Variants in KIAA1217 observed in about 807,000 individuals in gnomAD.
KIAA1217 encodes the protein KIAA1217.
A neutral mutation model predicts 163.9 loss-of-function variants in KIAA1217; 88 were observed. The ratio of observed to expected loss-of-function variants is 0.54; its 90% CI spans 0.45 to 0.64. The LOEUF is 0.64. Among genes scored for constraint, KIAA1217 ranks in the 30% least tolerant of loss-of-function variants. KIAA1217 has a pLI of 0.00. For synonymous variants in KIAA1217, 903 were observed against 923.1 expected (o/e 0.98, Z 0.39); for missense variants, 2,372 against 2,475.0 (o/e 0.96, Z 0.88).
chr10:24,452,683 A>C (rs911593328), intron 5 of KIAA1217, among the ~76,000 whole-genome samples: 1 of 151,038 alleles, frequency 6.6e-6, no homozygotes, highest in Admixed American at 6.6e-5. Flanking sequence ...CTGTCTCAAA[A>C]AAAAAAAAAA....
chr10:24,417,640 G>A (rs2131463734), intron 3 of KIAA1217, among the ~76,000 whole-genome samples: 1 of 152,284 alleles, frequency 6.6e-6, no homozygotes, highest in Middle Eastern at 3.4e-3. Flanking sequence ...CAGTGGAGAG[G>A]AAGGAGACCA....
At chr10:23,974,579 A>G (rs1845459018) in intron 1 of KIAA1217, among the ~76,000 whole-genome samples, 1 of 152,104 alleles carries the variant, frequency 6.6e-6, no homozygotes, top group Non-Finnish European at 1.5e-5. Flanking sequence ...GGAGGATCAC[A>G]ATATAGTGAT....
chr10:24,098,711 C>T (rs117063803), intron 2 of KIAA1217, among the ~76,000 whole-genome samples: 2 of 134,816 alleles, frequency 1.5e-5, no homozygotes, highest in Non-Finnish European at 3.1e-5. Flanking sequence ...TAACCCTCCC[C>T]TCTGAAGGGG....
chr10:24,331,311 T>C (rs2045638210), intron 2 of KIAA1217, among the ~76,000 whole-genome samples: 1 of 152,194 alleles, frequency 6.6e-6, no homozygotes, highest in African/African-American at 2.4e-5. Context: ...AAATTAAATA[T>C]TGCAAAGGCA....
chr10:24,211,673 T>C (rs1224078880), intron 1 of KIAA1217, among the ~76,000 whole-genome samples: 1 of 151,684 alleles, frequency 6.6e-6, no homozygotes, highest in Non-Finnish European at 1.5e-5. Context: ...AATGGGGTAA[T>C]ACTGGGTGCT....
intron 11 of KIAA1217, 115 bp downstream of exon 11, chr10:24,520,368 G>A: frequency 7.1e-7 from 1 of 1,414,456 alleles, no homozygotes; most frequent in Non-Finnish European, 9.7e-7. Context: ...ACGTCTACAT[G>A]TGCCAGGCAT....
chr10:24,309,508 G>C (rs1453012219), intron 2 of KIAA1217, among the ~76,000 whole-genome samples: 1 of 152,132 alleles, frequency 6.6e-6, no homozygotes, highest in Non-Finnish European at 1.5e-5. Flanking sequence ...TTTACTCAGT[G>C]TTCCCCTATT....
chr10:24,466,019 C>T (rs1040164617), intron 5 of KIAA1217, among the ~76,000 whole-genome samples: 7 of 152,170 alleles, frequency 4.6e-5, no homozygotes, highest in African/African-American at 1.7e-4. Flanking sequence ...CAAAGTTCAG[C>T]GTGGTAAAAC....
At chr10:24,363,240 C>T (rs981096291) in intron 2 of KIAA1217, among the ~76,000 whole-genome samples, 2 of 152,180 alleles carry the variant, frequency 1.3e-5, no homozygotes, top group Non-Finnish European at 2.9e-5. Context: ...TACATTTGCT[C>T]ATTGTGTGGT....
At chr10:23,736,210 C>T (rs1268396743) in intron 1 of KIAA1217, among the ~76,000 whole-genome samples, 2 of 152,200 alleles carry the variant, frequency 1.3e-5, no homozygotes, top group Middle Eastern at 3.2e-3. Flanking sequence ...ATGACATTCT[C>T]CTGTATGTTT....
At chr10:23,849,817 G>T (rs1207562010) in intron 1 of KIAA1217, among the ~76,000 whole-genome samples, 1 of 152,008 alleles carries the variant, frequency 6.6e-6, no homozygotes, top group African/African-American at 2.4e-5. Flanking sequence ...AGTCTTGGTT[G>T]TGATGGTCCA....
intron 1 of KIAA1217, among the ~76,000 whole-genome samples, chr10:23,941,668 C>T (rs1843773784): frequency 6.6e-6 from 1 of 152,080 alleles, no homozygotes; most frequent in Non-Finnish European, 1.5e-5. Context: ...TTAGCTGACC[C>T]CTGAACATAC....
At chr10:24,334,267 T>G (rs1163524322) in intron 2 of KIAA1217, among the ~76,000 whole-genome samples, 1 of 152,158 alleles carries the variant, frequency 6.6e-6, no homozygotes, top group East Asian at 1.9e-4. Context: ...GGGTTGGGCA[T>G]GGCGGAGCAT....
At chr10:23,700,656 C>T (rs1836385296) in intron 1 of KIAA1217, among the ~76,000 whole-genome samples, 1 of 152,240 alleles carries the variant, frequency 6.6e-6, no homozygotes, top group African/African-American at 2.4e-5. Context: ...TTGCTGTCAT[C>T]TAAGTAACTT....
chr10:24,093,550 C>T (rs2062023881), intron 2 of KIAA1217, among the ~76,000 whole-genome samples: 2 of 151,822 alleles, frequency 1.3e-5, no homozygotes, highest in South Asian at 4.1e-4. Context: ...GCCATCCTCT[C>T]ACCTCGGCCT....
chr10:24,547,054 TC>T lies in KIAA1217; in HGVS notation c.*732del, dbSNP rs1387631419. 1 of 92,442 alleles carries T rather than the reference TC, an allele frequency of 1.1e-5. No individual in the cohort carries two copies. Among genetic ancestry groups the T allele is most frequent in the African/African-American group, 3.8e-5 (1 of 25,998 alleles). The allele number at this position is 92,442 out of a possible 1,614,324, so 5.7% of individuals were successfully genotyped here. On this transcript the variant is annotated 3_prime_UTR_variant, in exon 21 of 21. Transcript: ENST00000376454. ...TTGCTTCTTTTCTTTCTTTTTTCCTTCCTTTTTTTTTTTTTTTTCTTTTTTA... is the reference window on the plus strand; with the variant it reads ...TTGCTTCTTTTCTTTCTTTTTTCCTTCTTTTTTTTTTTTTTTTCTTTTTTA...
intron 1 of KIAA1217, among the ~76,000 whole-genome samples, chr10:24,003,138 T>C (rs1846827901): frequency 6.6e-6 from 1 of 152,170 alleles, no homozygotes; most frequent in Non-Finnish European, 1.5e-5. Context: ...TTTTTGTTTT[T>C]TGTTTTTTGT....
chr10:24,535,972 A>T (rs2073947810), intron 16 of KIAA1217, among the ~76,000 whole-genome samples: 1 of 152,020 alleles, frequency 6.6e-6, no homozygotes, highest in African/African-American at 2.4e-5. Context: ...CTGGTTGAGA[A>T]CCACTGTTGT....
At chr10:24,432,868 T>C in intron 3 of KIAA1217, 127 bp from the exon 4 acceptor site, 1 of 667,718 alleles carries the variant, frequency 1.5e-6, no homozygotes, top group Admixed American at 2.8e-5. Flanking sequence ...AACCTAGATC[T>C]CTTGTTACAT....
Sources: gnomAD v4.1 joint callset for allele counts (sites outside exome capture counted in the v4.1 genomes callset) on GRCh38, gnomAD v4.1.1 for gene constraint, MANE v1.5 for transcripts, NCBI Gene and HGNC (gene_info 2026-07-23, HGNC 2026-07-21) for gene names.